Variants in SPG11 observed in about 807,000 individuals in gnomAD.
SPG11 encodes the protein SPG11 vesicle trafficking associated, spatacsin, also known as spatacsin.
SPG11 carries 222 observed loss-of-function variants against 274.0 expected under a neutral mutation model. The observed-to-expected ratio is 0.81, with a 90% CI of 0.73 to 0.91. The LOEUF (loss-of-function observed/expected upper bound fraction) is 0.91. SPG11 is among the 40% of genes least tolerant of loss of function. SPG11 has a pLI of 0.00. For synonymous variants in SPG11, 1,144 were observed against 1,039.7 expected (o/e 1.10, Z -1.93); for missense variants, 3,114 against 2,872.7 (o/e 1.08, Z -1.92).
At chr15:44,648,505 C>T (rs1398166083) in intron 7 of SPG11, among the ~76,000 whole-genome samples, 2 of 146,220 alleles carry the variant, frequency 1.4e-5, no homozygotes, top group African/African-American at 2.6e-5. Flanking sequence ...AAAGTGACAC[C>T]CTGTGTCAAA....
Position 44,660,535 on chromosome 15 carries a change from C to G in SPG11, c.339G>C (p.Leu113=), listed in dbSNP as rs373238538. The change falls in exon 2 of 40, where the codon CTG becomes CTC. Residue 113 remains leucine, a synonymous_variant. Coordinates refer to ENST00000261866, the MANE Select transcript of SPG11 (RefSeq NM_025137.4). ...CTTTCAAATTAAATTCATAGATAAGCAGTTCATAATTTTCACCAAGAGCGA... is the reference window on the plus strand; with the variant it reads ...CTTTCAAATTAAATTCATAGATAAGGAGTTCATAATTTTCACCAAGAGCGA... ...KLLALGENYE[L]LIYEFNLKDG... 25 of 1,613,982 alleles carry G rather than the reference C, an allele frequency of 1.5e-5. No individual in the cohort carries two copies. The highest frequency in any genetic ancestry group is 1.2e-4 in the Admixed American group (7 of 59,992).
chr15:44,577,042 G>A (rs567113835), intron 30 of SPG11, among the ~76,000 whole-genome samples: 1 of 152,178 alleles, frequency 6.6e-6, no homozygotes, highest in East Asian at 1.9e-4. Flanking sequence ...TGGCCAGGCT[G>A]GTCTTGAACT....
At chr15:44,644,708 T>C (rs907858557) in intron 7 of SPG11, among the ~76,000 whole-genome samples, 1 of 152,142 alleles carries the variant, frequency 6.6e-6, no homozygotes, top group Non-Finnish European at 1.5e-5. Flanking sequence ...CTGGATCTGA[T>C]AAACAACTTT....
At chr15:44,611,013 CCTTAA>C in intron 17 of SPG11, 28 bp from the exon 18 acceptor site, 1 of 1,563,182 alleles carries the variant, frequency 6.4e-7, no homozygotes. Flanking sequence ...GTGTTTTTCT[CCTTAA>C]GAGGGATAAA....
At chr15:44,589,911 T>C (rs1286071318) in intron 27 of SPG11, among the ~76,000 whole-genome samples, 2 of 152,160 alleles carry the variant, frequency 1.3e-5, no homozygotes, top group Non-Finnish European at 2.9e-5. Flanking sequence ...CTTCAAGTGA[T>C]TTCTCCTGCC....
rs764587462 is a variant in SPG11 at position 44,585,807 on chromosome 15, C to A, written c.4950G>T (p.Lys1650Asn). ...TATGATTAATGGCTATGGATGTATCCTTCAAAATCTGGCAAAGGATGCAAA... is the reference window on the plus strand; with the variant it reads ...TATGATTAATGGCTATGGATGTATCATTCAAAATCTGGCAAAGGATGCAAA... ...KKLCILCQIL[K>N]DTSIAINHTI... Residue 1650 changes from lysine to asparagine, a missense_variant, in exon 29 of 40, where the codon AAG becomes AAT. By Grantham distance (94) the Lys-to-Asn change is moderately conservative. Coordinates refer to ENST00000261866, the MANE Select transcript of SPG11 (RefSeq NM_025137.4). 6 of 1,613,702 alleles carry A rather than the reference C, an allele frequency of 3.7e-6. No homozygotes were observed. The highest frequency in any genetic ancestry group is 5.1e-6 in the Non-Finnish European group (6 of 1,179,964).
At chr15:44,621,471 G>T in intron 14 of SPG11, 1 of 378,514 alleles carries the variant, frequency 2.6e-6, no homozygotes, top group Non-Finnish European at 4.9e-6. Context: ...ATTTACACAA[G>T]AAGCTCAAGA....
chr15:44,576,901 A>G (rs1421832150), intron 30 of SPG11, among the ~76,000 whole-genome samples: 1 of 151,868 alleles, frequency 6.6e-6, no homozygotes, highest in Non-Finnish European at 1.5e-5. Flanking sequence ...ATCTCGGTTC[A>G]CTGCAACCTC....
At position 44,628,820 on chromosome 15, in the gene SPG11, C is replaced by T; in HGVS notation, c.1916G>A (p.Gly639Glu). ...AATGTAGCTAGTCAAAATGTTCACT[C>T]CTTTTTGCAGATGTTCATCTAGTTC... Reference protein sequence around the residue: ...TEELDEHLQKGVNILTSYINE... With the variant: ...TEELDEHLQKEVNILTSYINE... The change falls in exon 10 of 40, where the codon GGA (glycine) becomes GAA (glutamate). Residue 639 changes from glycine (G) to glutamate (E), a missense_variant. Gly to Glu is a moderately conservative substitution (Grantham distance 98). Transcript: ENST00000261866. The T allele has an allele frequency of 6.2e-7, 1 of 1,613,470 alleles. No homozygotes were observed. Among genetic ancestry groups the T allele is most frequent in the Non-Finnish European group, 8.5e-7 (1 of 1,179,946 alleles).
intron 20 of SPG11, chr15:44,604,084 T>C: frequency 2.5e-6 from 1 of 408,070 alleles, no homozygotes; most frequent in Non-Finnish European, 4.8e-6. Context: ...TTCCAGAAAC[T>C]AGTTCTGGAA....
rs312262720 is a variant in SPG11 at position 44,657,229 on chromosome 15, CAT to C, written c.733_734del (p.Met245ValfsTer2). ...HVDLALHKED[M>X]CNEQQQEPAK... ...CTGGCTCCTGTTGCTGCTCATTACA[CAT>C]GTCTTCTTTGTGAAGTGCTAAATCC... On this transcript the variant is annotated frameshift_variant, in exon 4 of 40. Transcript: ENST00000261866. LOFTEE classifies it high-confidence loss of function. The C allele has an allele frequency of 6.9e-5, 111 of 1,614,070 alleles. No individual in the cohort carries two copies. Among genetic ancestry groups the C allele is most frequent in the South Asian group, 9.9e-5 (9 of 91,090 alleles).
In SPG11 at chr15:44,584,217, T is replaced by C. The variant is rs1164594001; in HGVS notation, c.5463A>G (p.Arg1821=). The C allele has an allele frequency of 6.2e-7, 1 of 1,614,136 alleles. No individual in the cohort carries two copies. Among genetic ancestry groups the C allele is most frequent in the East Asian group, 2.2e-5 (1 of 44,882 alleles). The part of the protein sequence containing the change: ...LGRNQEETEP[R]FSRQISTSGE... ...CACTAGTTGAGATCTGTCGAGAAAA[T>C]CTGGGCTCTGTTTCCTCCTGATTTC... Residue 1821 remains arginine (R), a synonymous_variant, in exon 30 of 40, where the codon AGA becomes AGG. Coordinates refer to ENST00000261866, the MANE Select transcript of SPG11 (RefSeq NM_025137.4).
intron 7 of SPG11, among the ~76,000 whole-genome samples, chr15:44,647,003 G>A (rs2084630173): frequency 6.6e-6 from 1 of 152,142 alleles, no homozygotes; most frequent in Non-Finnish European, 1.5e-5. Context: ...TTAAAAAGGT[G>A]AAATAACAAC....
At chr15:44,622,077 G>T in intron 13 of SPG11, 143 bp from the exon 14 acceptor site, 1 of 1,186,040 alleles carries the variant, frequency 8.4e-7, no homozygotes, top group Non-Finnish European at 1.2e-6. Context: ...AAACTCTCGA[G>T]TCCCTTCTGT....
chr15:44,662,749 GTT>G (rs2085153329), intron 1 of SPG11, among the ~76,000 whole-genome samples: 1 of 150,850 alleles, frequency 6.6e-6, no homozygotes, highest in South Asian at 2.1e-4. Flanking sequence ...TGAACCAAGA[GTT>G]ACGGAAGTAC....
chr15:44,615,245 A>G lies in SPG11; in HGVS notation c.3038+118T>C, dbSNP rs181443330. ...GTTGAGATGGAGAAAACTACCTCAA[A>G]AAGATCAGTATTCCTCGTGTGAATG... On this transcript the variant is annotated intron_variant, in intron 16 of 39. Transcript: ENST00000261866. 11 of 997,914 alleles carry G rather than the reference A, an allele frequency of 1.1e-5. No individual in the cohort carries two copies. The East Asian group carries it at 2.6e-4, about 24-fold the overall frequency. 61.8% of individuals were successfully genotyped at this position (997,914 alleles called of 1,614,324 possible). A position where few individuals can be genotyped will look rare whatever the true frequency, so the allele number is the denominator to read the frequency against.
At chr15:44,632,236 T>C (rs909606585) in intron 8 of SPG11, among the ~76,000 whole-genome samples, 1 of 152,204 alleles carries the variant, frequency 6.6e-6, no homozygotes, top group African/African-American at 2.4e-5. Flanking sequence ...AAGACCACCT[T>C]ATTTTAAGTT....
At position 44,635,927 on chromosome 15, in the gene SPG11, AAAAG is replaced by A. The variant is rs928792555; in HGVS notation, c.1603-2294_1603-2291del. 3.3e-5 allele frequency among the ~76,000 whole-genome samples: 5 copies of A among 152,076 alleles called. No homozygotes were observed. The South Asian group carries it at 6.2e-4, about 19-fold the overall frequency. On this transcript the variant is annotated intron_variant, in intron 7 of 39. Coordinates refer to ENST00000261866, the MANE Select transcript of SPG11 (RefSeq NM_025137.4). ...GTGAGACTCCACCTATAAAAAAAAA[AAAAG>A]AAAGAAAAATTTGCCACCCTTAGCA...
In SPG11 at chr15:44,596,370, A is replaced by T. The variant is rs763102236; in HGVS notation, c.4162-15T>A. ...AGGGATTTCACCTAGAAGGCATATC[A>T]GATGATTAAACAGAAACCCAACTTT... On this transcript the variant is annotated splice_polypyrimidine_tract_variant and intron_variant, in intron 24 of 39. Transcript: ENST00000261866. 8.7e-6 allele frequency: 14 copies of T among 1,613,842 alleles called. No individual in the cohort carries two copies. The highest frequency in any genetic ancestry group is 2.5e-6 in the Non-Finnish European group (3 of 1,179,992).
Sources: gnomAD v4.1 joint callset for allele counts (sites outside exome capture counted in the v4.1 genomes callset) on GRCh38, gnomAD v4.1.1 for gene constraint, MANE v1.5 for transcripts, NCBI Gene and HGNC (gene_info 2026-07-23, HGNC 2026-07-21) for gene names.